The following JMJD1C variants were observed in gnomAD, a reference collection of about 807,000 sequenced individuals.
The protein encoded by JMJD1C is jumonji domain-containing protein 1C.
JMJD1C carries 31 observed loss-of-function variants against 245.3 expected under a neutral mutation model. The observed-to-expected ratio is 0.13, with a 90% confidence interval of 0.09 to 0.17. The LOEUF is 0.17. JMJD1C is among the 10% of genes least tolerant of loss of function. JMJD1C has a pLI of 1.00. For missense variants in JMJD1C, 2,691 were observed against 3,000.2 expected (o/e 0.90, Z 2.41); for synonymous variants, 1,057 against 1,017.4 (o/e 1.04, Z -0.74).
At chr10:63,314,956 GTTT>G (rs71025156) in intron 2 of JMJD1C, among the ~76,000 whole-genome samples, 2 of 133,460 alleles carry the variant, frequency 1.5e-5, no homozygotes, top group Non-Finnish European at 3.1e-5. Context: ...AGCCTTTTTT[GTTT>G]TTTTTTTTTT....
intron 1 of JMJD1C, 137 bp downstream of exon 1, chr10:63,465,358 G>C (rs1589800924): frequency 4.4e-6 from 4 of 900,380 alleles, no homozygotes; most frequent in East Asian, 2.7e-5. Flanking sequence ...GCGGGCAAAC[G>C]CGCCAAGGGT....
At chr10:63,401,020 G>A (rs931426366) in intron 1 of JMJD1C, among the ~76,000 whole-genome samples, 5 of 151,292 alleles carry the variant, frequency 3.3e-5, no homozygotes, top group Non-Finnish European at 5.9e-5. Context: ...CACCACACCC[G>A]GCTAATTTTT....
chr10:63,449,768 T>A (rs1951926545), intron 1 of JMJD1C, among the ~76,000 whole-genome samples: 1 of 152,230 alleles, frequency 6.6e-6, no homozygotes, highest in Admixed American at 6.5e-5. Context: ...GCAGACTCAG[T>A]AATGAAAAGA....
intron 8 of JMJD1C, among the ~76,000 whole-genome samples, chr10:63,213,256 A>T (rs1438400632): frequency 6.6e-6 from 1 of 151,926 alleles, no homozygotes; most frequent in Non-Finnish European, 1.5e-5. Context: ...TACAATCTAA[A>T]AAGTTTTACT....
At chr10:63,304,842 T>C (rs978312241) in intron 2 of JMJD1C, among the ~76,000 whole-genome samples, 2 of 152,138 alleles carry the variant, frequency 1.3e-5, no homozygotes, top group African/African-American at 2.4e-5. Context: ...CAACTAAAGA[T>C]TGACTAGGAG....
chr10:63,500,178 G>A (rs1173850541), intron 1 of JMJD1C, among the ~76,000 whole-genome samples: 1 of 152,266 alleles, frequency 6.6e-6, no homozygotes, highest in East Asian at 1.9e-4. Flanking sequence ...TCCCAGCACT[G>A]TGGGAGGCCG....
chr10:63,235,879 G>T (rs887965222), intron 3 of JMJD1C, among the ~76,000 whole-genome samples: 1 of 151,962 alleles, frequency 6.6e-6, no homozygotes, highest in Non-Finnish European at 1.5e-5. Flanking sequence ...TTAGGAATAT[G>T]GTCACATAAA....
chr10:63,339,360 C>A (rs1371971660), intron 2 of JMJD1C, among the ~76,000 whole-genome samples: 1 of 152,152 alleles, frequency 6.6e-6, no homozygotes, highest in Non-Finnish European at 1.5e-5. Context: ...AAAAATAGAG[C>A]TTCAACTAAA....
chr10:63,344,426 C>T (rs1048038910), intron 2 of JMJD1C, among the ~76,000 whole-genome samples: 7 of 152,082 alleles, frequency 4.6e-5, no homozygotes, highest in Admixed American at 3.9e-4. Flanking sequence ...GTGGTGTTTA[C>T]ACAGCAAAGA....
chr10:63,214,060 G>A lies in JMJD1C; in HGVS notation c.2107C>T (p.Leu703Phe), dbSNP rs1478740427. The A allele has an allele frequency of 1.2e-6, 2 of 1,614,114 alleles. No individual in the cohort carries two copies. The highest frequency in any genetic ancestry group is 1.7e-6 in the Non-Finnish European group (2 of 1,179,938). The part of the protein sequence containing the change: ...SSTLETTKSP[L>F]IIDKNEHFTV... ...AAATGCTCATTTTTATCAATGATAA[G>A]AGGACTCTTTGTAGTTTCTAATGTA... The change falls in exon 8 of 26, where the codon CTT becomes TTT. Residue 703 changes from leucine to phenylalanine, a missense_variant. Transcript: ENST00000399262.
intron 2 of JMJD1C, among the ~76,000 whole-genome samples, chr10:63,277,381 T>TA (rs1856899484): frequency 6.6e-6 from 1 of 151,924 alleles, no homozygotes; most frequent in South Asian, 2.1e-4. Context: ...TGAATAAAGA[T>TA]AGTCTTGTTA....
intron 1 of JMJD1C, among the ~76,000 whole-genome samples, chr10:63,425,625 TAAAAAA>T (rs112607722): frequency 6.6e-6 from 1 of 151,340 alleles, no homozygotes; most frequent in African/African-American, 2.4e-5. Context: ...CTACAAAAAA[TAAAAAA>T]AATTAGCCAG....
At chr10:63,236,767 G>A (rs1430595999) in intron 3 of JMJD1C, among the ~76,000 whole-genome samples, 1 of 152,088 alleles carries the variant, frequency 6.6e-6, no homozygotes, top group Non-Finnish European at 1.5e-5. Flanking sequence ...CAACAAAAAA[G>A]AAGTAAAATT....
chr10:63,506,656 A>G (rs1011318729), intron 1 of JMJD1C, among the ~76,000 whole-genome samples: 3 of 152,110 alleles, frequency 2.0e-5, no homozygotes, highest in Non-Finnish European at 4.4e-5. Flanking sequence ...ACTGAGTGGA[A>G]AGTACAGAGT....
chr10:63,389,388 A>T (rs1947874145), intron 1 of JMJD1C, among the ~76,000 whole-genome samples: 1 of 151,048 alleles, frequency 6.6e-6, no homozygotes, highest in Non-Finnish European at 1.5e-5. Context: ...GGTTTCCAAC[A>T]ACCCACTCTT....
intron 1 of JMJD1C, among the ~76,000 whole-genome samples, chr10:63,419,073 T>C (rs1949964538): frequency 7.8e-6 from 1 of 127,996 alleles, no homozygotes. Flanking sequence ...TGAGACTCCA[T>C]CTCAAAAAAA....
chr10:63,300,529 TTGTC>T (rs1190585383), intron 2 of JMJD1C, among the ~76,000 whole-genome samples: 3 of 152,344 alleles, frequency 2.0e-5, no homozygotes, highest in South Asian at 2.1e-4. Flanking sequence ...TGCTGTTTCT[TTGTC>T]TGAATCTTCA....
chr10:63,269,230 G>A, intron 2 of JMJD1C: 1 of 985,100 alleles, frequency 1.0e-6, no homozygotes, highest in Non-Finnish European at 1.2e-6. Flanking sequence ...CGAGTACTTG[G>A]CTTAGGGCAC....
At chr10:63,180,581 C>A (rs777631989) in intron 22 of JMJD1C, among the ~76,000 whole-genome samples, 9 of 152,078 alleles carry the variant, frequency 5.9e-5, no homozygotes, top group Non-Finnish European at 8.8e-5. Context: ...ATAAAAAAAT[C>A]ATCCTTTACT....
Sources: gnomAD v4.1 joint callset for allele counts (sites outside exome capture counted in the v4.1 genomes callset) on GRCh38, gnomAD v4.1.1 for gene constraint, MANE v1.5 for transcripts, NCBI Gene and HGNC (gene_info 2026-07-23, HGNC 2026-07-21) for gene names.